ERBB4: variants seen among roughly 807,000 people sequenced by gnomAD.
ERBB4 encodes the protein receptor tyrosine-protein kinase erbB-4.
In ERBB4, 42 loss-of-function variants were observed where a neutral mutation model predicts 158.0. The ratio of observed to expected loss-of-function variants is 0.27; its 90% CI spans 0.21 to 0.34. The LOEUF is 0.34. Among genes scored for constraint, ERBB4 ranks in the 10% least tolerant of loss-of-function variants. The pLI, the probability that ERBB4 is intolerant of heterozygous loss-of-function variation, is 1.00. For synonymous variants in ERBB4, 583 were observed against 558.7 expected, an observed-to-expected ratio of 1.04 and a Z score of -0.61; for missense variants, 1,333 against 1,624.1, an observed-to-expected ratio of 0.82 and a Z score of 3.08.
At chr2:212,493,394 TA>T (rs1450390285) in intron 1 of ERBB4, among the ~76,000 whole-genome samples, 3 of 151,506 alleles carry the variant, frequency 2.0e-5, no homozygotes, top group Admixed American at 6.6e-5. Context: ...CAAGTATTTT[TA>T]AATAAAAATA....
chr2:212,240,182 T>C (rs1055752327), intron 1 of ERBB4, among the ~76,000 whole-genome samples: 4 of 152,172 alleles, frequency 2.6e-5, no homozygotes, highest in African/African-American at 9.7e-5. Context: ...TTGCTTTTGA[T>C]GGGGTTCAGC....
chr2:212,504,458 A>G (rs1463708032), intron 1 of ERBB4, among the ~76,000 whole-genome samples: 1 of 152,090 alleles, frequency 6.6e-6, no homozygotes, highest in Non-Finnish European at 1.5e-5. Context: ...ACCATTAAAA[A>G]ATAATACAAA....
intron 1 of ERBB4, among the ~76,000 whole-genome samples, chr2:212,299,619 G>A (rs1326623666): frequency 6.6e-6 from 1 of 151,498 alleles, no homozygotes; most frequent in Non-Finnish European, 1.5e-5. Flanking sequence ...CAGGGACACA[G>A]AGGTAATGAT....
At chr2:211,939,442 A>G (rs576833178) in intron 3 of ERBB4, among the ~76,000 whole-genome samples, 111 of 151,922 alleles carry the variant, frequency 7.3e-4, no homozygotes, top group Non-Finnish European at 1.0e-3. Flanking sequence ...GCAAACTTCC[A>G]TAACATATGG....
intron 20 of ERBB4, among the ~76,000 whole-genome samples, chr2:211,451,992 C>T (rs184009534): frequency 2.1e-4 from 20 of 96,242 alleles, no homozygotes; most frequent in African/African-American, 5.3e-4. Context: ...CATTTCACTG[C>T]GAGTAGAAAT....
intron 2 of ERBB4, among the ~76,000 whole-genome samples, chr2:211,953,465 CAAAAAAAAA>C (rs36024345): frequency 4.7e-5 from 4 of 85,576 alleles, no homozygotes; most frequent in African/African-American, 8.0e-5. Context: ...GGTTTTTCTC[CAAAAAAAAA>C]AAAAAAAAAA....
At position 211,386,897 on chromosome 2, in the gene ERBB4, T is replaced by A. The variant is rs768479400; in HGVS notation, c.3437A>T (p.Asp1146Val). The change falls in exon 27 of 28, where the codon GAT becomes GTT. Residue 1146 changes from aspartate to valine, a missense_variant. Coordinates refer to ENST00000342788, the MANE Select transcript of ERBB4 (RefSeq NM_005235.3). ...APERSPRGEL[D>V]EEGYMTPMRD... ...CATAGGAGTCATGTAACCTTCCTCA[T>A]CCAGCTCTCCTCGTGGGCTCCGTTC... is the stretch of plus-strand genomic sequence containing the variant. 1 of 1,614,206 alleles carries A rather than the reference T, an allele frequency of 6.2e-7. No homozygotes were observed. Among genetic ancestry groups the A allele is most frequent in the East Asian group, 2.2e-5 (1 of 44,888 alleles).
At chr2:211,817,761 G>A (rs1238569273) in intron 3 of ERBB4, among the ~76,000 whole-genome samples, 1 of 152,096 alleles carries the variant, frequency 6.6e-6, no homozygotes, top group Non-Finnish European at 1.5e-5. Context: ...GGTAAGAGAT[G>A]AGCCCTTATC....
At chr2:212,402,176 C>T (rs1169020882) in intron 1 of ERBB4, among the ~76,000 whole-genome samples, 1 of 151,860 alleles carries the variant, frequency 6.6e-6, no homozygotes, top group African/African-American at 2.4e-5. Flanking sequence ...GAAAACTCAG[C>T]ATAAAAAAGG....
chr2:212,054,038 CT>C, intron 2 of ERBB4, among the ~76,000 whole-genome samples: 1 of 152,250 alleles, frequency 6.6e-6, no homozygotes, highest in Middle Eastern at 3.4e-3. Flanking sequence ...GCCGTGGCGT[CT>C]ACAGAAAAAG....
intron 5 of ERBB4, among the ~76,000 whole-genome samples, chr2:211,743,257 A>G: frequency 6.6e-6 from 1 of 152,198 alleles, no homozygotes; most frequent in East Asian, 1.9e-4. Flanking sequence ...AAAACTTCAC[A>G]ATTATGATGA....
At position 211,665,466 on chromosome 2, in the gene ERBB4, G is replaced by C. The variant is rs762106006; in HGVS notation, c.1728C>G (p.Asn576Lys). Residue 576 changes from asparagine to lysine, a missense_variant, in exon 15 of 28, where the codon AAC becomes AAG. Around this residue, in one of 5 missense-constraint regions of ERBB4, gnomAD observed 245 missense variants for 247.5 expected, o/e 0.99. Coordinates refer to ENST00000342788, the MANE Select transcript of ERBB4 (RefSeq NM_005235.3). ...LLTCHGPGPDNCTKCSHFKDG... is the reference protein window; with the variant it reads ...LLTCHGPGPDKCTKCSHFKDG... ...CTTTAAAATGAGAGCACTTTGTACA[G>C]TTGTCAGGACCCTGAAATGTGAAAA... 2.5e-6 allele frequency: 4 copies of C among 1,613,772 alleles called. No homozygotes were observed. In the African/African-American group the frequency reaches 4.0e-5, roughly 16 times the overall value.
intron 2 of ERBB4, among the ~76,000 whole-genome samples, chr2:211,998,705 C>T (rs1230507695): frequency 6.6e-6 from 1 of 151,788 alleles, no homozygotes; most frequent in Non-Finnish European, 1.5e-5. Context: ...AATGGCCAAC[C>T]TCATAGCTCT....
intron 1 of ERBB4, among the ~76,000 whole-genome samples, chr2:212,339,462 G>C (rs1400768072): frequency 6.6e-6 from 1 of 152,080 alleles, no homozygotes; most frequent in Non-Finnish European, 1.5e-5. Context: ...AAATTAACTA[G>C]AACTGGTTTA....
chr2:211,424,004 G>T (rs756014471), intron 23 of ERBB4, 151 bp downstream of exon 23: 83 of 739,202 alleles, frequency 1.1e-4, no homozygotes, highest in Non-Finnish European at 1.7e-4. Context: ...ATTAATAATA[G>T]TCACAACAAA....
chr2:211,847,630 TG>T (rs67706145), intron 3 of ERBB4, among the ~76,000 whole-genome samples: 32,915 of 149,092 alleles, frequency 0.22, 3,668 homozygotes, highest in South Asian at 0.33. Flanking sequence ...TAAAACATTA[TG>T]ATTTTTTTTT....
chr2:211,978,217 A>G (rs1368590453), intron 2 of ERBB4, among the ~76,000 whole-genome samples: 1 of 151,862 alleles, frequency 6.6e-6, no homozygotes, highest in Admixed American at 6.6e-5. Flanking sequence ...CAGTTGGGTA[A>G]GTGCAGGGCA....
At chr2:211,939,944 C>T (rs896691671) in intron 3 of ERBB4, among the ~76,000 whole-genome samples, 8 of 129,982 alleles carry the variant, frequency 6.2e-5, no homozygotes, top group African/African-American at 2.4e-4. Flanking sequence ...AAGACTCCGT[C>T]TCAAAAAAAA....
intron 1 of ERBB4, among the ~76,000 whole-genome samples, chr2:212,405,099 G>C (rs2091309493): frequency 6.6e-6 from 1 of 151,866 alleles, no homozygotes; most frequent in Admixed American, 6.6e-5. Context: ...GTATGCATCT[G>C]ACAAAGGTTA....
Sources: gnomAD v4.1 joint callset for allele counts (sites outside exome capture counted in the v4.1 genomes callset) on GRCh38, gnomAD v4.1.1 for gene constraint, gnomAD v4.1.1 regional missense constraint, MANE v1.5 for transcripts, NCBI Gene and HGNC (gene_info 2026-07-23, HGNC 2026-07-21) for gene names.